The following MINAR2 variants were observed in gnomAD, a reference collection of about 807,000 sequenced individuals.
The protein encoded by MINAR2 is membrane integral NOTCH2 associated receptor 2.
In MINAR2, 21 loss-of-function variants were observed where a neutral mutation model predicts 16.1. The observed-to-expected ratio is 1.31, with a 90% CI of 0.93 to 1.88. The LOEUF (loss-of-function observed/expected upper bound fraction) is 1.88. Among genes scored for constraint, MINAR2 ranks in the 40% most tolerant of loss-of-function variants. The pLI is 0.00. For missense variants in MINAR2, 259 were observed against 229.8 expected (o/e 1.13, Z -0.82); for synonymous variants, 86 against 83.0 (o/e 1.04, Z -0.20).
chr5:129,760,486 C>G lies in MINAR2; in HGVS notation c.274C>G (p.Pro92Ala). ...CATGTCATCAGTTATGAAGAATAAC[C>G]CACTCTATGGTGACCTAAGTTTGGA... Reference protein sequence around the residue: ...PSMSSVMKNNPLYGDLSLEEA... With the variant: ...PSMSSVMKNNALYGDLSLEEA... The change falls in exon 2 of 3, where the codon CCA becomes GCA. Residue 92 changes from proline (P) to alanine (A), a missense_variant. Pro to Ala is a conservative substitution (Grantham distance 27). Coordinates refer to ENST00000564719, the MANE Select transcript of MINAR2 (RefSeq NM_001257308.2). The G allele has an allele frequency of 6.5e-7, 1 of 1,535,680 alleles. No homozygotes were observed. Among genetic ancestry groups the G allele is most frequent in the Non-Finnish European group, 8.7e-7 (1 of 1,146,552 alleles).
intron 2 of MINAR2, 72 bp downstream of exon 2, chr5:129,760,677 T>C: frequency 8.4e-7 from 1 of 1,192,936 alleles, no homozygotes; most frequent in Non-Finnish European, 1.2e-6. Context: ...AAGAAAGCAA[T>C]ATTGAAGTGA....
intron 1 of MINAR2, among the ~76,000 whole-genome samples, chr5:129,752,401 G>C (rs1757996577): frequency 6.6e-6 from 1 of 152,122 alleles, no homozygotes; most frequent in African/African-American, 2.4e-5. Flanking sequence ...CATAGAAAAG[G>C]ATGAGTTCAT....
chr5:129,754,699 T>C (rs1758033612), intron 1 of MINAR2, among the ~76,000 whole-genome samples: 1 of 152,170 alleles, frequency 6.6e-6, no homozygotes, highest in Non-Finnish European at 1.5e-5. Flanking sequence ...TAATAGAGCA[T>C]TACTCATGCA....
intron 1 of MINAR2, among the ~76,000 whole-genome samples, chr5:129,752,996 T>G (rs1005622984): frequency 6.6e-6 from 1 of 152,174 alleles, no homozygotes; most frequent in South Asian, 2.1e-4. Context: ...TGTCATTTAC[T>G]GAATTTATTT....
intron 1 of MINAR2, among the ~76,000 whole-genome samples, chr5:129,753,640 C>G (rs1439285230): frequency 6.6e-6 from 1 of 151,962 alleles, no homozygotes; most frequent in Non-Finnish European, 1.5e-5. Context: ...GTAATCCCAG[C>G]TACTCCGGAG....
chr5:129,755,959 T>C (rs577935840), intron 1 of MINAR2, among the ~76,000 whole-genome samples: 38 of 152,212 alleles, frequency 2.5e-4, no homozygotes, highest in African/African-American at 8.2e-4. Flanking sequence ...ATGCCCATAA[T>C]ATTCTCTCAA....
In MINAR2 at chr5:129,757,938, C is replaced by T. The variant is rs1257659279; in HGVS notation, c.166-2440C>T. On this transcript the variant is annotated intron_variant, in intron 1 of 2. Transcript: ENST00000564719. Reference sequence around the variant, plus strand: ...ACGTCTGTTATCAACTTTCTTCTTCCTGAATTACATTTTTAGAGTTTTTAC... The same window carrying T: ...ACGTCTGTTATCAACTTTCTTCTTCTTGAATTACATTTTTAGAGTTTTTAC... Among the ~76,000 whole-genome samples, 3 of 151,806 alleles carry T rather than the reference C, an allele frequency of 2.0e-5. No homozygotes were observed. In the East Asian group the frequency reaches 5.8e-4, roughly 29 times the overall value.
At chr5:129,763,857 A>G (rs1389518122) in intron 2 of MINAR2, among the ~76,000 whole-genome samples, 1 of 152,170 alleles carries the variant, frequency 6.6e-6, no homozygotes, top group East Asian at 1.9e-4. Context: ...GATGCTGATA[A>G]AGAAAACTTG....
In MINAR2 at chr5:129,748,410, T is replaced by C. The variant is rs1315545398; in HGVS notation, c.165+55T>C. The C allele has an allele frequency of 2.7e-6, 4 of 1,496,552 alleles. No homozygotes were observed. The African/African-American group carries it at 5.6e-5, about 21-fold the overall frequency. 92.7% of individuals were successfully genotyped at this position (1,496,552 alleles called of 1,614,324 possible). On this transcript the variant is annotated intron_variant, in intron 1 of 2. Coordinates refer to ENST00000564719, the MANE Select transcript of MINAR2 (RefSeq NM_001257308.2). Reference sequence around the variant, plus strand: ...ATGGAGGCTTGTTTCTTTCTCGCTATCTGCCATTTCACCATTTATGCAACA... The same window carrying C: ...ATGGAGGCTTGTTTCTTTCTCGCTACCTGCCATTTCACCATTTATGCAACA...
intron 2 of MINAR2, among the ~76,000 whole-genome samples, 153 bp from the exon 3 acceptor site, chr5:129,764,731 C>T (rs2080945): frequency 0.051 from 7,704 of 152,208 alleles, 295 homozygotes; most frequent in African/African-American, 0.1. Context: ...AGCCTCATAC[C>T]GCTCATGTGA....
At chr5:129,757,393 A>G (rs534854254) in intron 1 of MINAR2, among the ~76,000 whole-genome samples, 2 of 151,966 alleles carry the variant, frequency 1.3e-5, no homozygotes, top group South Asian at 4.1e-4. Context: ...AAATTTTTAT[A>G]TTTTTTTACT....
intron 2 of MINAR2, 110 bp downstream of exon 2, chr5:129,760,715 T>C (rs1758124257): frequency 1.2e-6 from 1 of 808,250 alleles, no homozygotes; most frequent in South Asian, 1.8e-5. Flanking sequence ...GCGCAGAATC[T>C]CTAGATTTCA....
chr5:129,759,863 T>A (rs370830692), intron 1 of MINAR2, among the ~76,000 whole-genome samples: 2 of 152,270 alleles, frequency 1.3e-5, no homozygotes, highest in East Asian at 3.9e-4. Flanking sequence ...AAATTACATG[T>A]ACAGTGCTAA....
rs1457244664 is a variant in MINAR2, at chr5:129,753,824, A to G, written c.165+5469A>G. Among the ~76,000 whole-genome samples, 3 of 149,744 alleles carry G rather than the reference A, an allele frequency of 2.0e-5. No homozygotes were observed. In the East Asian group the frequency reaches 6.0e-4, roughly 30 times the overall value. ...GAGAAAGGAAGGAAGGAAGGAGAAG[A>G]AGAAAAAGAGAAAGAAAGAAGAAAA... On this transcript the variant is annotated intron_variant, in intron 1 of 2. Transcript: ENST00000564719.
chr5:129,756,456 C>G (rs191109919), intron 1 of MINAR2, among the ~76,000 whole-genome samples: 2 of 152,002 alleles, frequency 1.3e-5, no homozygotes, highest in Admixed American at 1.3e-4. Flanking sequence ...CATATTTGTA[C>G]TCTTCTATCC....
rs1369700031 is a variant in MINAR2 at position 129,764,938 on chromosome 5, G to A, written c.448G>A (p.Asp150Asn). 2 of 1,399,212 alleles carry A rather than the reference G, an allele frequency of 1.4e-6. No individual in the cohort carries two copies. The highest frequency in any genetic ancestry group is 9.3e-7 in the Non-Finnish European group (1 of 1,077,596). 86.7% of individuals were successfully genotyped at this position (1,399,212 alleles called of 1,614,324 possible). The stretch of plus-strand genomic sequence containing the variant: ...GGGAGACATGTACACTCCAGGTTTT[G>A]ACACTTTATTGAAAAAGGAAGAGAA... The part of the protein sequence containing the change: ...WLGDMYTPGF[D>N]TLLKKEEKQE... Residue 150 changes from aspartate (D) to asparagine (N), a missense_variant, in exon 3 of 3, where the codon GAC becomes AAC. Asp to Asn is a conservative substitution (Grantham distance 23, BLOSUM62 1). Coordinates refer to ENST00000564719, the MANE Select transcript of MINAR2 (RefSeq NM_001257308.2).
intron 2 of MINAR2, among the ~76,000 whole-genome samples, chr5:129,762,258 T>C (rs942454337): frequency 6.6e-6 from 1 of 152,068 alleles, no homozygotes; most frequent in Non-Finnish European, 1.5e-5. Context: ...GAAGCTAAAA[T>C]AAAAGTTCAC....
Position 129,765,224 on chromosome 5 carries a change from T to G in MINAR2, c.*161T>G, listed in dbSNP as rs1317394569. ...GTAATTGTCCTGAAGAATGTGAATG[T>G]CAGGCGTGGTATGCTGGCTTCTCCA... On this transcript the variant is annotated 3_prime_UTR_variant, in exon 3 of 3. Coordinates refer to ENST00000564719, the MANE Select transcript of MINAR2 (RefSeq NM_001257308.2). 2.3e-6 allele frequency: 1 copy of G among 434,182 alleles called. No individual in the cohort carries two copies. The highest frequency in any genetic ancestry group is 3.9e-6 in the Non-Finnish European group (1 of 259,508). 26.9% of individuals were successfully genotyped at this position (434,182 alleles called of 1,614,324 possible). A position where few individuals can be genotyped will look rare whatever the true frequency, so the allele number is the denominator to read the frequency against.
chr5:129,763,343 C>T (rs1348246354), intron 2 of MINAR2, among the ~76,000 whole-genome samples: 1 of 152,162 alleles, frequency 6.6e-6, no homozygotes, highest in Non-Finnish European at 1.5e-5. Flanking sequence ...CATCTTCACC[C>T]TTGTCTATAT....
Sources: gnomAD v4.1 joint callset for allele counts (sites outside exome capture counted in the v4.1 genomes callset) on GRCh38, gnomAD v4.1.1 for gene constraint, MANE v1.5 for transcripts, NCBI Gene and HGNC (gene_info 2026-07-23, HGNC 2026-07-21) for gene names.